The following PDE3B variants were observed in gnomAD, a reference collection of about 807,000 sequenced individuals.
The protein encoded by PDE3B is cGMP-inhibited 3',5'-cyclic phosphodiesterase 3B.
PDE3B carries 66 observed loss-of-function variants against 116.8 expected under a neutral mutation model. The observed-to-expected ratio is 0.56, with a 90% CI of 0.46 to 0.69. The LOEUF (loss-of-function observed/expected upper bound fraction) is 0.69. Among genes scored for constraint, PDE3B ranks in the 30% least tolerant of loss-of-function variants. PDE3B has a pLI of 0.00. For synonymous variants in PDE3B, 595 were observed against 533.6 expected (o/e 1.12, Z -1.59); for missense variants, 1,384 against 1,368.1 (o/e 1.01, Z -0.18).
intron 12 of PDE3B, 85 bp from the exon 13 acceptor site, chr11:14,858,954 ATTGT>A (rs1462907967): frequency 1.2e-6 from 1 of 869,416 alleles, no homozygotes; most frequent in African/African-American, 1.7e-5. Context: ...GTAGGTATTC[ATTGT>A]TTGTATACTT....
chr11:14,828,334 C>T (rs902747684), intron 7 of PDE3B, among the ~76,000 whole-genome samples: 13 of 152,104 alleles, frequency 8.5e-5, no homozygotes, highest in African/African-American at 3.1e-4. Context: ...TGTAATTATA[C>T]TAAAGAGCTT....
chr11:14,891,821 C>T, the PDE3B span: 2 of 972,618 alleles, frequency 2.1e-6, no homozygotes, highest in Non-Finnish European at 2.4e-6. Context: ...GGACTTCTCC[C>T]TTCCAGACCC....
intron 14 of PDE3B, among the ~76,000 whole-genome samples, chr11:14,862,619 G>C (rs781877390): frequency 5.9e-4 from 89 of 152,106 alleles, no homozygotes; most frequent in Non-Finnish European, 1.8e-4. Context: ...TGTTGCCCAG[G>C]CTGTAGTGCA....
intron 14 of PDE3B, among the ~76,000 whole-genome samples, chr11:14,864,740 G>A (rs1381822055): frequency 1.3e-5 from 2 of 151,592 alleles, no homozygotes; most frequent in Non-Finnish European, 3.0e-5. Flanking sequence ...ACATGGAAAC[G>A]GAACAACCTG....
chr11:14,723,085 T>G (rs754878690), intron 1 of PDE3B, among the ~76,000 whole-genome samples: 2 of 152,240 alleles, frequency 1.3e-5, no homozygotes, highest in Non-Finnish European at 2.9e-5. Flanking sequence ...TAACAATAGA[T>G]AACATGTATT....
intron 12 of PDE3B, 64 bp from the exon 13 acceptor site, chr11:14,858,979 A>G (rs1847897649): frequency 8.8e-7 from 1 of 1,141,300 alleles, no homozygotes; most frequent in Non-Finnish European, 1.3e-6. Flanking sequence ...CCAACCTGAT[A>G]TTAAAGATAT....
intron 1 of PDE3B, among the ~76,000 whole-genome samples, chr11:14,764,659 T>G (rs1469263304): frequency 1.3e-5 from 2 of 152,082 alleles, no homozygotes; most frequent in Non-Finnish European, 2.9e-5. Context: ...GGGAAGTCTT[T>G]GTTTTGTCAT....
chr11:14,685,583 G>C (rs969913652), intron 1 of PDE3B, among the ~76,000 whole-genome samples: 1 of 149,306 alleles, frequency 6.7e-6, no homozygotes, highest in African/African-American at 2.5e-5. Context: ...AGCTTCCCAA[G>C]TAGCTGGGAT....
chr11:14,851,285 A>G (rs996772015), intron 12 of PDE3B, among the ~76,000 whole-genome samples: 5 of 152,094 alleles, frequency 3.3e-5, no homozygotes, highest in African/African-American at 9.7e-5. Context: ...TGCTGAATTC[A>G]TCTCACTTCC....
intron 15 of PDE3B, among the ~76,000 whole-genome samples, chr11:14,869,016 G>T (rs11023367): frequency 0.13 from 19,628 of 150,604 alleles, 1,419 homozygotes; most frequent in African/African-American, 0.2. Flanking sequence ...GCAAGACTCC[G>T]TCTCAAAAAA....
chr11:14,746,509 A>G (rs1400543350), intron 1 of PDE3B, among the ~76,000 whole-genome samples: 1 of 152,158 alleles, frequency 6.6e-6, no homozygotes, highest in African/African-American at 2.4e-5. Context: ...CCCTCTCTCA[A>G]CCCAATTTAG....
At chr11:14,662,579 A>T (rs574640368) in intron 1 of PDE3B, among the ~76,000 whole-genome samples, 2,719 of 152,270 alleles carry the variant, frequency 0.018, 32 homozygotes, top group Non-Finnish European at 0.029. Context: ...AGACGAATGT[A>T]TAACTAGAAT....
In PDE3B at chr11:14,706,795, T is replaced by G. The variant is rs567662087; in HGVS notation, c.978+61742T>G. Among the ~76,000 whole-genome samples the G allele has an allele frequency of 5.3e-4, 81 of 152,138 alleles. 1 individual carries two copies. The highest frequency in any genetic ancestry group is 1.9e-3 in the African/African-American group (80 of 41,558). On this transcript the variant is annotated intron_variant, in intron 1 of 15. Transcript: ENST00000282096. ...ATTGTTAATTCATTTTTAGAGTTTTTGACCACTTTCATACATTTCAAAATG... is the reference window on the plus strand; with the variant it reads ...ATTGTTAATTCATTTTTAGAGTTTTGGACCACTTTCATACATTTCAAAATG...
chr11:14,749,699 A>T (rs1321145860), intron 1 of PDE3B, among the ~76,000 whole-genome samples: 3 of 151,384 alleles, frequency 2.0e-5, no homozygotes, highest in Admixed American at 6.6e-5. Context: ...TATACTGCAG[A>T]TGGTCTCTAC....
chr11:14,764,548 C>A (rs1015063558), intron 1 of PDE3B, among the ~76,000 whole-genome samples: 1 of 152,006 alleles, frequency 6.6e-6, no homozygotes, highest in Non-Finnish European at 1.5e-5. Context: ...TATTAAATGA[C>A]AAATATAAGA....
intron 1 of PDE3B, among the ~76,000 whole-genome samples, chr11:14,740,417 A>G (rs1465677401): frequency 6.6e-6 from 1 of 152,154 alleles, no homozygotes; most frequent in African/African-American, 2.4e-5. Flanking sequence ...CTCTGATGGT[A>G]GTTTGTATTT....
intron 1 of PDE3B, among the ~76,000 whole-genome samples, chr11:14,710,886 G>A (rs544516686): frequency 1.3e-5 from 2 of 152,330 alleles, no homozygotes; most frequent in South Asian, 4.1e-4. Flanking sequence ...GCAGTGAAGA[G>A]TTCTGATGAA....
At chr11:14,661,787 TAAACAAAG>T (rs1853925411) in intron 1 of PDE3B, among the ~76,000 whole-genome samples, 1 of 152,060 alleles carries the variant, frequency 6.6e-6, no homozygotes, top group African/African-American at 2.4e-5. Flanking sequence ...CTTGCTTAGG[TAAACAAAG>T]CAGCAGGTAA....
chr11:14,891,696 G>A, the PDE3B span: 5 of 1,214,566 alleles, frequency 4.1e-6, no homozygotes, highest in Admixed American at 4.3e-5. Context: ...CGCAGGCGCA[G>A]GAGCAAGAGC....
Sources: allele counts gnomAD v4.1 joint callset (sites outside exome capture counted in the v4.1 genomes callset), GRCh38; gene constraint gnomAD v4.1.1; transcripts MANE v1.5; gene names NCBI Gene and HGNC (gene_info 2026-07-23, HGNC 2026-07-21).